Variants in MYO16 observed in about 807,000 individuals in gnomAD.
The protein encoded by MYO16 is myosin XVI.
MYO16 carries 94 observed loss-of-function variants against 205.3 expected under a neutral mutation model. The ratio of observed to expected loss-of-function variants is 0.46; its 90% CI spans 0.39 to 0.54. The LOEUF is 0.54. Ranked by LOEUF, MYO16 falls within the 20% of genes least tolerant of loss-of-function variation. The pLI, the probability that MYO16 is intolerant of heterozygous loss-of-function variation, is 0.00. For missense variants in MYO16, 2,315 were observed against 2,387.5 expected, an observed-to-expected ratio of 0.97 and a Z score of 0.63; for synonymous variants, 988 against 954.0, an observed-to-expected ratio of 1.04 and a Z score of -0.66.
intron 1 of MYO16, among the ~76,000 whole-genome samples, chr13:108,636,359 T>C (rs1429075198): frequency 1.0e-5 from 1 of 96,940 alleles, no homozygotes; most frequent in Non-Finnish European, 2.1e-5. Context: ...TTTTTTTTTT[T>C]TTTTTTTTTT....
intron 4 of MYO16, among the ~76,000 whole-genome samples, chr13:108,731,652 C>A (rs1020169775): frequency 6.6e-6 from 1 of 152,132 alleles, no homozygotes; most frequent in Non-Finnish European, 1.5e-5. Context: ...CAGAATAATC[C>A]AACCTAATAT....
At chr13:108,804,267 AGGTGATTTCCAAATT>A (rs1887048619) in intron 6 of MYO16, among the ~76,000 whole-genome samples, 1 of 152,210 alleles carries the variant, frequency 6.6e-6, no homozygotes, top group Non-Finnish European at 1.5e-5. Flanking sequence ...GTAGCTAGAT[AGGTGATTTCCAAATT>A]GTAATTTTTC....
At chr13:108,935,966 C>T (rs916918074) in intron 16 of MYO16, among the ~76,000 whole-genome samples, 9 of 151,842 alleles carry the variant, frequency 5.9e-5, no homozygotes, top group Admixed American at 3.3e-4. Context: ...AAATTTTCAT[C>T]CCAGGAATGA....
chr13:109,037,950 G>A (rs1300784122), intron 23 of MYO16, among the ~76,000 whole-genome samples: 1 of 152,172 alleles, frequency 6.6e-6, no homozygotes, highest in Non-Finnish European at 1.5e-5. Context: ...TTTATTGAAA[G>A]GAAAAGCAGC....
intron 5 of MYO16, among the ~76,000 whole-genome samples, chr13:108,786,162 G>A (rs1158725014): frequency 6.6e-6 from 1 of 152,226 alleles, no homozygotes; most frequent in African/African-American, 2.4e-5. Context: ...AGGCAAGGAA[G>A]TGAGGGCTTA....
chr13:109,128,117 G>GT (rs768805799), intron 31 of MYO16, among the ~76,000 whole-genome samples: 5 of 152,164 alleles, frequency 3.3e-5, no homozygotes, highest in African/African-American at 4.8e-5. Flanking sequence ...GACAATTACT[G>GT]TTTAAATATT....
intron 34 of MYO16, among the ~76,000 whole-genome samples, chr13:109,196,299 T>A (rs569104495): frequency 6.6e-6 from 1 of 152,336 alleles, no homozygotes; most frequent in East Asian, 1.9e-4. Context: ...CGTACTGAGT[T>A]GTCGAGTTAG....
At chr13:108,957,163 A>C (rs1319301141) in intron 16 of MYO16, among the ~76,000 whole-genome samples, 1 of 152,102 alleles carries the variant, frequency 6.6e-6, no homozygotes, top group Non-Finnish European at 1.5e-5. Context: ...AGGTGGGTGG[A>C]TCACAAGGTC....
chr13:108,972,123 T>C (rs1300190818), intron 20 of MYO16, among the ~76,000 whole-genome samples: 1 of 142,018 alleles, frequency 7.0e-6, no homozygotes, highest in Non-Finnish European at 1.5e-5. Context: ...GGTGGGAGAA[T>C]TGCTTCAGCC....
Position 108,862,358 on chromosome 13 carries a change from A to G in MYO16, c.1360-3819A>G, listed in dbSNP as rs540937990. Among the ~76,000 whole-genome samples, 71 of 152,300 alleles carry G rather than the reference A, an allele frequency of 4.7e-4. 1 individual carries two copies. Among genetic ancestry groups the G allele is most frequent in the Admixed American group, 2.9e-3 (45 of 15,286 alleles). On this transcript the variant is annotated intron_variant, in intron 11 of 34. Transcript: ENST00000457511. The stretch of plus-strand genomic sequence containing the variant: ...AGGTATTTCACTCTCTTGGGATTTC[A>G]GCATCCAGGATTATGTTGTTTAGGG...
At chr13:108,659,053 T>A (rs947815955) in intron 1 of MYO16, among the ~76,000 whole-genome samples, 14 of 151,612 alleles carry the variant, frequency 9.2e-5, no homozygotes, top group Admixed American at 7.2e-4. Context: ...AGAATAAATT[T>A]ACATATTCTT....
intron 23 of MYO16, among the ~76,000 whole-genome samples, chr13:109,023,562 T>C (rs1886204092): frequency 8.1e-6 from 1 of 123,436 alleles, no homozygotes; most frequent in African/African-American, 3.1e-5. Context: ...TTATTATATA[T>C]ACAAATACAT....
At chr13:108,932,491 A>T (rs748892644) in intron 16 of MYO16, among the ~76,000 whole-genome samples, 2 of 152,204 alleles carry the variant, frequency 1.3e-5, no homozygotes, top group Non-Finnish European at 2.9e-5. Context: ...AGTGTTACCA[A>T]CCAAGGACTA....
chr13:109,187,990 T>G (rs1879756861), intron 34 of MYO16, among the ~76,000 whole-genome samples: 1 of 152,220 alleles, frequency 6.6e-6, no homozygotes, highest in Admixed American at 6.5e-5. Flanking sequence ...ACCTTTCGGT[T>G]TCATCAGTTT....
intron 7 of MYO16, among the ~76,000 whole-genome samples, chr13:108,814,934 A>G (rs565140568): frequency 2.0e-5 from 3 of 152,360 alleles, no homozygotes; most frequent in East Asian, 3.9e-4. Flanking sequence ...AAGTAAAATA[A>G]TGCAAGAAAT....
chr13:109,028,408 G>T (rs761003938), intron 23 of MYO16: 1 of 324,472 alleles, frequency 3.1e-6, no homozygotes, highest in Non-Finnish European at 6.1e-6. Context: ...GTTTTTCACA[G>T]AATATTTGGG....
the MYO16 span, among the ~76,000 whole-genome samples, chr13:108,556,697 A>C: frequency 6.6e-6 from 1 of 152,172 alleles, no homozygotes; most frequent in East Asian, 1.9e-4. Flanking sequence ...ATATTTAAAA[A>C]TCATTGCCCA....
intron 21 of MYO16, among the ~76,000 whole-genome samples, chr13:109,007,382 C>T (rs996694982): frequency 2.7e-5 from 4 of 149,580 alleles, no homozygotes; most frequent in African/African-American, 2.5e-5. Context: ...GGCGAGACTC[C>T]GTCTCAAAAA....
chr13:108,605,760 G>A (rs373693338), intron 1 of MYO16, among the ~76,000 whole-genome samples: 3 of 152,270 alleles, frequency 2.0e-5, no homozygotes, highest in East Asian at 3.9e-4. Flanking sequence ...AACTAATACA[G>A]TAAATTGGTA....
Sources: gnomAD v4.1 joint callset for allele counts (sites outside exome capture counted in the v4.1 genomes callset) on GRCh38, gnomAD v4.1.1 for gene constraint, MANE v1.5 for transcripts, NCBI Gene and HGNC (gene_info 2026-07-23, HGNC 2026-07-21) for gene names.